The following ANK3 variants were observed in gnomAD, a reference collection of about 807,000 sequenced individuals.
ANK3 encodes ankyrin-3.
A neutral mutation model predicts 370.9 loss-of-function variants in ANK3; 57 were observed. That is an observed-to-expected ratio of 0.15 (90% CI 0.12 to 0.19). ANK3 has a LOEUF of 0.19. ANK3 is among the 10% of genes least tolerant of loss of function. ANK3 has a pLI of 1.00. For missense variants in ANK3, 4,439 were observed against 5,302.1 expected (o/e 0.84, Z 5.06); for synonymous variants, 1,929 against 1,946.3 (o/e 0.99, Z 0.23).
At chr10:60,347,685 T>G (rs892659202) in intron 1 of ANK3, among the ~76,000 whole-genome samples, 2 of 152,124 alleles carry the variant, frequency 1.3e-5, no homozygotes, top group Non-Finnish European at 2.9e-5. Flanking sequence ...ATCTATTGCT[T>G]TTTTCTTATA....
chr10:60,203,655 T>C (rs937572273), intron 11 of ANK3, among the ~76,000 whole-genome samples: 2 of 152,216 alleles, frequency 1.3e-5, no homozygotes, highest in African/African-American at 4.8e-5. Context: ...ATGGGTATTA[T>C]AAATTAAAGC....
At position 60,278,715 on chromosome 10, in the gene ANK3, C is replaced by T. The variant is rs539907619; in HGVS notation, c.414+59G>A. The stretch of plus-strand genomic sequence containing the variant: ...ATGTGAACTAAGCAAGCACCTGACC[C>T]AAAGAACATTGTTTGTAAATGATAA... On this transcript the variant is annotated intron_variant, in intron 4 of 43. Transcript: ENST00000280772. 9 of 1,377,046 alleles carry T rather than the reference C, an allele frequency of 6.5e-6. No individual in the cohort carries two copies. In the African/African-American group the frequency reaches 1.1e-4, roughly 17 times the overall value. 85.3% of individuals were successfully genotyped at this position (1,377,046 alleles called of 1,614,324 possible). A position where few individuals can be genotyped will look rare whatever the true frequency, so the allele number is the denominator to read the frequency against.
chr10:60,555,269 C>T (rs2393645), intron 2 of ANK3, among the ~76,000 whole-genome samples: 102,809 of 151,792 alleles, frequency 0.68, 35,534 homozygotes, highest in South Asian at 0.88. Context: ...GCCAGGAGTT[C>T]GGGGCCAGCC....
chr10:60,420,658 A>G (rs1337914551), intron 2 of ANK3, among the ~76,000 whole-genome samples: 1 of 152,046 alleles, frequency 6.6e-6, no homozygotes, highest in Non-Finnish European at 1.5e-5. Flanking sequence ...CCATTATTAC[A>G]CCTGAAATCC....
chr10:60,357,931 G>A (rs1326834755), intron 1 of ANK3, among the ~76,000 whole-genome samples: 1 of 152,082 alleles, frequency 6.6e-6, no homozygotes, highest in Non-Finnish European at 1.5e-5. Flanking sequence ...TTGAATGTGG[G>A]TGCTAACTTC....
chr10:60,350,045 G>A (rs2056533733), intron 1 of ANK3, among the ~76,000 whole-genome samples: 1 of 152,086 alleles, frequency 6.6e-6, no homozygotes, highest in South Asian at 2.1e-4. Context: ...TCACAGTGAT[G>A]GCCTCATTTA....
At chr10:60,248,875 G>T (rs1180630535) in intron 7 of ANK3, among the ~76,000 whole-genome samples, 2 of 152,108 alleles carry the variant, frequency 1.3e-5, no homozygotes, top group African/African-American at 4.8e-5. Context: ...CCTAACTTGG[G>T]CAAACATTAG....
chr10:60,338,060 A>C (rs554422957), intron 1 of ANK3, among the ~76,000 whole-genome samples: 24 of 152,292 alleles, frequency 1.6e-4, no homozygotes, highest in African/African-American at 5.8e-4. Flanking sequence ...TCTCACCTGT[A>C]CTGAGAAAGA....
chr10:60,428,169 T>C (rs941228704), intron 2 of ANK3, among the ~76,000 whole-genome samples: 3 of 152,098 alleles, frequency 2.0e-5, no homozygotes, highest in African/African-American at 4.8e-5. Context: ...GTTTATAGAG[T>C]CCCTCAAAGA....
At chr10:60,656,973 G>A (rs994073105) in intron 1 of ANK3, among the ~76,000 whole-genome samples, 8 of 151,930 alleles carry the variant, frequency 5.3e-5, no homozygotes, top group Non-Finnish European at 1.0e-4. Context: ...GTATTAGTCC[G>A]TTTTCATGCT....
intron 2 of ANK3, among the ~76,000 whole-genome samples, chr10:60,502,393 T>C (rs1005031563): frequency 6.6e-5 from 10 of 152,238 alleles, no homozygotes; most frequent in Admixed American, 5.2e-4. Context: ...ACCTGAGTTA[T>C]ATTCTAGATC....
chr10:60,397,519 C>T (rs1280197417), intron 2 of ANK3, among the ~76,000 whole-genome samples: 3 of 152,154 alleles, frequency 2.0e-5, no homozygotes, highest in African/African-American at 7.2e-5. Flanking sequence ...AGAACAAAAA[C>T]ATTAACACGC....
At chr10:60,673,192 GT>G (rs921658901) in intron 1 of ANK3, among the ~76,000 whole-genome samples, 21 of 150,882 alleles carry the variant, frequency 1.4e-4, no homozygotes, top group African/African-American at 4.4e-4. Context: ...TCAAAAACAT[GT>G]TTTTTTTTCT....
chr10:60,434,678 G>C (rs1015538305), intron 2 of ANK3, among the ~76,000 whole-genome samples: 2 of 152,134 alleles, frequency 1.3e-5, no homozygotes, highest in Non-Finnish European at 1.5e-5. Flanking sequence ...ATAAACTTAG[G>C]AACTATGCTC....
chr10:60,693,268 T>C (rs1228115315), intron 1 of ANK3, among the ~76,000 whole-genome samples: 6 of 152,228 alleles, frequency 3.9e-5, no homozygotes, highest in African/African-American at 1.4e-4. Flanking sequence ...CCACGGAGTC[T>C]CGCTGATTGC....
At chr10:60,621,761 T>A (rs2078340890) in intron 1 of ANK3, among the ~76,000 whole-genome samples, 1 of 152,254 alleles carries the variant, frequency 6.6e-6, no homozygotes, top group East Asian at 1.9e-4. Context: ...ATAATGAGGC[T>A]CTGTAAAGAA....
At chr10:60,582,088 A>G (rs1211637305) in intron 2 of ANK3, among the ~76,000 whole-genome samples, 1 of 152,034 alleles carries the variant, frequency 6.6e-6, no homozygotes, top group Admixed American at 6.5e-5. Context: ...GCATGGACAC[A>G]GGGAGGGGAA....
intron 6 of ANK3, among the ~76,000 whole-genome samples, chr10:60,262,836 GT>G: frequency 6.6e-6 from 1 of 152,176 alleles, no homozygotes; most frequent in East Asian, 1.9e-4. Flanking sequence ...AACATCTAAA[GT>G]GTCCAGACTC....
intron 4 of ANK3, among the ~76,000 whole-genome samples, chr10:60,274,032 G>A (rs1163491099): frequency 6.6e-6 from 1 of 152,148 alleles, no homozygotes; most frequent in Non-Finnish European, 1.5e-5. Context: ...CTGGTGTGTA[G>A]TCGTGTGATT....
Sources: allele counts gnomAD v4.1 joint callset (sites outside exome capture counted in the v4.1 genomes callset), GRCh38; gene constraint gnomAD v4.1.1; transcripts MANE v1.5; gene names NCBI Gene and HGNC (gene_info 2026-07-23, HGNC 2026-07-21).